Variants in CDH12 observed in about 807,000 individuals in gnomAD.
CDH12 encodes the protein cadherin 12, also known as cadherin-12.
A neutral mutation model predicts 74.1 loss-of-function variants in CDH12; 41 were observed. The observed-to-expected ratio is 0.55, with a 90% CI of 0.43 to 0.72. The LOEUF is 0.72. Among genes scored for constraint, CDH12 ranks in the 30% least tolerant of loss-of-function variants. The pLI, the probability that CDH12 is intolerant of heterozygous loss-of-function variation, is 0.00. For missense variants in CDH12, 945 were observed against 977.2 expected (o/e 0.97, Z 0.44); for synonymous variants, 399 against 355.0 (o/e 1.12, Z -1.39).
At chr5:22,375,243 G>T (rs112848520) in intron 3 of CDH12, among the ~76,000 whole-genome samples, 2,521 of 152,166 alleles carry the variant, frequency 0.017, 45 homozygotes, top group Non-Finnish European at 0.021. Flanking sequence ...TTACCCATAA[G>T]CAGAAGAATG....
chr5:22,497,632 G>A (rs1458011881), intron 2 of CDH12, among the ~76,000 whole-genome samples: 2 of 128,446 alleles, frequency 1.6e-5, no homozygotes, highest in South Asian at 2.5e-4. Flanking sequence ...ACTGCCTGTC[G>A]AATCTCTTTT....
chr5:21,989,389 T>G (rs1269894429), intron 5 of CDH12, among the ~76,000 whole-genome samples: 2 of 152,168 alleles, frequency 1.3e-5, no homozygotes, highest in Admixed American at 6.6e-5. Flanking sequence ...TTTAAACCAG[T>G]TAATTAGTTT....
At chr5:22,272,148 T>C (rs1220903654) in intron 3 of CDH12, among the ~76,000 whole-genome samples, 1 of 152,226 alleles carries the variant, frequency 6.6e-6, no homozygotes, top group Non-Finnish European at 1.5e-5. Context: ...TCAATGATCT[T>C]AGCTAGATCT....
At chr5:22,189,289 G>A (rs911585741) in intron 4 of CDH12, among the ~76,000 whole-genome samples, 6 of 152,100 alleles carry the variant, frequency 3.9e-5, no homozygotes, top group African/African-American at 1.4e-4. Flanking sequence ...GTTTTGTCAT[G>A]CTTTATACAG....
intron 3 of CDH12, among the ~76,000 whole-genome samples, chr5:22,339,079 G>A (rs1739728419): frequency 6.6e-6 from 1 of 152,164 alleles, no homozygotes; most frequent in Non-Finnish European, 1.5e-5. Flanking sequence ...CCTGAGCAGA[G>A]AAATCAGCCA....
chr5:22,328,008 T>G (rs1158005061), intron 3 of CDH12, among the ~76,000 whole-genome samples: 1 of 152,190 alleles, frequency 6.6e-6, no homozygotes, highest in Non-Finnish European at 1.5e-5. Context: ...GTGTGTAATC[T>G]AAGAATATTA....
intron 12 of CDH12, among the ~76,000 whole-genome samples, chr5:21,761,605 C>A (rs946261931): frequency 9.9e-5 from 15 of 152,080 alleles, no homozygotes; most frequent in Non-Finnish European, 2.1e-4. Context: ...ATCATGTGAT[C>A]TTACACTGAT....
At chr5:22,708,269 C>T (rs770885203) in intron 1 of CDH12, among the ~76,000 whole-genome samples, 4 of 152,180 alleles carry the variant, frequency 2.6e-5, no homozygotes, top group Non-Finnish European at 4.4e-5. Context: ...ACAAAGTTCG[C>T]TCCAACACAC....
At chr5:22,408,278 A>C (rs1352454847) in intron 2 of CDH12, among the ~76,000 whole-genome samples, 3 of 149,324 alleles carry the variant, frequency 2.0e-5, no homozygotes, top group Non-Finnish European at 4.4e-5. Flanking sequence ...AATTGCTTTT[A>C]GGGGTGGGGG....
intron 1 of CDH12, among the ~76,000 whole-genome samples, chr5:22,826,897 C>A (rs1355010962): frequency 6.6e-6 from 1 of 152,080 alleles, no homozygotes; most frequent in Non-Finnish European, 1.5e-5. Context: ...TCTGACAATG[C>A]AATAGTAAAG....
intron 1 of CDH12, among the ~76,000 whole-genome samples, chr5:22,532,998 A>G (rs1020948366): frequency 1.3e-5 from 2 of 152,100 alleles, no homozygotes; most frequent in Non-Finnish European, 2.9e-5. Context: ...AGCCTATTTG[A>G]AACTTTAAAG....
intron 6 of CDH12, among the ~76,000 whole-genome samples, chr5:21,920,782 G>A (rs796365636): frequency 3.9e-5 from 6 of 152,078 alleles, no homozygotes; most frequent in African/African-American, 1.4e-4. Context: ...TCACAAAATT[G>A]AGGTTGTTCA....
chr5:22,680,656 T>C (rs898785049), intron 1 of CDH12, among the ~76,000 whole-genome samples: 6 of 152,076 alleles, frequency 3.9e-5, no homozygotes, highest in Non-Finnish European at 7.4e-5. Flanking sequence ...ATTTGTATTA[T>C]ATGGATGACT....
intron 1 of CDH12, among the ~76,000 whole-genome samples, chr5:22,843,648 A>G (rs1049560382): frequency 3.5e-5 from 5 of 141,134 alleles, no homozygotes; most frequent in South Asian, 2.4e-4. Context: ...GTGTGTGTGT[A>G]TGCATACACA....
At chr5:21,867,395 T>C (rs2150014585) in intron 6 of CDH12, among the ~76,000 whole-genome samples, 1 of 152,162 alleles carries the variant, frequency 6.6e-6, no homozygotes, top group East Asian at 1.9e-4. Flanking sequence ...CTTGGGAACC[T>C]CTGCCTAGAT....
At chr5:22,397,589 G>T (rs983895162) in intron 3 of CDH12, among the ~76,000 whole-genome samples, 7 of 151,650 alleles carry the variant, frequency 4.6e-5, no homozygotes, top group African/African-American at 1.7e-4. Flanking sequence ...ACCTTATAAT[G>T]CAGTAGCAAA....
intron 3 of CDH12, among the ~76,000 whole-genome samples, chr5:22,235,072 T>C (rs1318457338): frequency 6.6e-6 from 1 of 150,792 alleles, no homozygotes; most frequent in East Asian, 1.9e-4. Context: ...TAATATCTTA[T>C]TATTTACACA....
At chr5:22,468,452 G>A (rs921615033) in intron 2 of CDH12, among the ~76,000 whole-genome samples, 31 of 152,216 alleles carry the variant, frequency 2.0e-4, no homozygotes, top group African/African-American at 7.5e-4. Context: ...TCATTTGGCA[G>A]GTAATTCACT....
chr5:22,430,508 T>C (rs1744125263), intron 2 of CDH12, among the ~76,000 whole-genome samples: 1 of 152,150 alleles, frequency 6.6e-6, no homozygotes, highest in African/African-American at 2.4e-5. Flanking sequence ...AATTTTAAAC[T>C]CTAACTTTAT....
Sources: allele counts gnomAD v4.1 joint callset (sites outside exome capture counted in the v4.1 genomes callset), GRCh38; gene constraint gnomAD v4.1.1; transcripts MANE v1.5; gene names NCBI Gene and HGNC (gene_info 2026-07-23, HGNC 2026-07-21).